GALNT9: variants seen among roughly 807,000 people sequenced by gnomAD.
GALNT9 encodes polypeptide N-acetylgalactosaminyltransferase 9, also known as GalNAc transferase 9.
In GALNT9, 47 loss-of-function variants were observed where a neutral mutation model predicts 63.1. That is an observed-to-expected ratio of 0.75 (90% CI 0.59 to 0.95). The LOEUF is 0.95. Ranked by LOEUF, GALNT9 falls within the 40% of genes least tolerant of loss-of-function variation. The probability of loss-of-function intolerance (pLI) is 0.00; values close to 1 mark genes in which losing one functional copy is unlikely to be tolerated. For synonymous variants in GALNT9, 396 were observed against 365.7 expected, an observed-to-expected ratio of 1.08 and a Z score of -0.94; for missense variants, 829 against 874.8, an observed-to-expected ratio of 0.95 and a Z score of 0.66.
At position 132,238,540 on chromosome 12, in the gene GALNT9, G is replaced by A. The variant is rs2136896112; in HGVS notation, c.1077+9370C>T. ...AGATGCCCAGGACAGGCCAGAGGGC[G>A]GGGCCGTGGCATGGGGAGGGGCTGC... On this transcript the variant is annotated intron_variant, in intron 6 of 10. Transcript: ENST00000328957. This position sits in a 1 kb window ranked among gnomAD's most constrained non-coding sequence, Gnocchi z 6.5. Among the ~76,000 whole-genome samples, 1 of 152,148 alleles carries A rather than the reference G, an allele frequency of 6.6e-6. No individual in the cohort carries two copies. The highest frequency in any genetic ancestry group is 6.5e-5 in the Admixed American group (1 of 15,282).
rs989387746 is a variant in GALNT9, at chr12:132,196,999, C to T, written c.*108G>A. On this transcript the variant is annotated 3_prime_UTR_variant, in exon 11 of 11. Coordinates refer to ENST00000328957, the MANE Select transcript of GALNT9 (RefSeq NM_001122636.2). Reference sequence around the variant, plus strand: ...CTCAGCCTCTGCTGTCCTGGCCGCACATAGAGCCCTGTCCTGCTGTGTCTG... The same window carrying T: ...CTCAGCCTCTGCTGTCCTGGCCGCATATAGAGCCCTGTCCTGCTGTGTCTG... The T allele has an allele frequency of 1.3e-6, 2 of 1,540,896 alleles. No individual in the cohort carries two copies. Among genetic ancestry groups the T allele is most frequent in the East Asian group, 2.3e-5 (1 of 44,076 alleles).
chr12:132,250,939 G>A (rs1209173650), intron 5 of GALNT9, among the ~76,000 whole-genome samples: 3 of 152,212 alleles, frequency 2.0e-5, no homozygotes, highest in African/African-American at 4.8e-5. Context: ...GAGGCCTAGT[G>A]AGCCCGGTGC....
intron 1 of GALNT9, among the ~76,000 whole-genome samples, chr12:132,303,067 C>T (rs1210075823): frequency 7.6e-6 from 1 of 132,156 alleles, no homozygotes; most frequent in East Asian, 1.9e-4. Flanking sequence ...CGGTTTCCCA[C>T]CCTCTGTCTG....
At chr12:132,249,420 C>T (rs1878827411) in intron 5 of GALNT9, among the ~76,000 whole-genome samples, 1 of 152,216 alleles carries the variant, frequency 6.6e-6, no homozygotes, top group Non-Finnish European at 1.5e-5. Flanking sequence ...AAATGCCCAT[C>T]GATTGTCCAA....
chr12:132,298,342 C>T (rs550743395), intron 1 of GALNT9, among the ~76,000 whole-genome samples: 318 of 152,056 alleles, frequency 2.1e-3, no homozygotes, highest in Non-Finnish European at 3.1e-3. Flanking sequence ...AAACAAGCCA[C>T]GGCTGAGATA....
At chr12:132,237,644 T>A (rs1878054023) in intron 6 of GALNT9, among the ~76,000 whole-genome samples, 1 of 152,206 alleles carries the variant, frequency 6.6e-6, no homozygotes, top group Admixed American at 6.5e-5. Flanking sequence ...CACAGCTGCC[T>A]CTGCAGGAGA....
In GALNT9 at chr12:132,329,328, C is replaced by G. The variant is rs1593129663; in HGVS notation, c.-125G>C. On this transcript the variant is annotated 5_prime_UTR_variant, in exon 1 of 11. Coordinates refer to ENST00000328957, the MANE Select transcript of GALNT9 (RefSeq NM_001122636.2). ...GGCTGCGGGGGCTGCGGGGCTCGGC[C>G]GGAGCTGTCCCTTCAGCACCAGCTC... 1 of 1,372,680 alleles carries G rather than the reference C, an allele frequency of 7.3e-7. No homozygotes were observed. The highest frequency in any genetic ancestry group is 1.5e-5 in the South Asian group (1 of 64,978). 85.0% of individuals were successfully genotyped at this position (1,372,680 alleles called of 1,614,324 possible). A position where few individuals can be genotyped will look rare whatever the true frequency, so the allele number is the denominator to read the frequency against.
rs1233429719 is a variant in GALNT9 at position 132,316,520 on chromosome 12, A to G, written c.238+12446T>C. Among the ~76,000 whole-genome samples, 2 of 152,054 alleles carry G rather than the reference A, an allele frequency of 1.3e-5. No homozygotes were observed. Among genetic ancestry groups the G allele is most frequent in the Non-Finnish European group, 1.5e-5 (1 of 67,980 alleles). ...GGAAACGGAGAATCAGGAGCACCCG[A>G]GCTTCCCACCCTAACCACCTGTGCT... On this transcript the variant is annotated intron_variant, in intron 1 of 10. Coordinates refer to ENST00000328957, the MANE Select transcript of GALNT9 (RefSeq NM_001122636.2). The surrounding 1 kb of genome is among the most constrained non-coding windows in gnomAD (Gnocchi z 4.3).
intron 7 of GALNT9, 143 bp from the exon 8 acceptor site, chr12:132,201,404 C>CCGGCCCCATG: frequency 1.8e-6 from 1 of 557,204 alleles, no homozygotes; most frequent in South Asian, 2.0e-5. Flanking sequence ...GAGGCCCCAT[C>CCGGCCCCATG]CAGTTGGGAC....
intron 6 of GALNT9, among the ~76,000 whole-genome samples, chr12:132,213,138 C>T (rs112436635): frequency 2.6e-5 from 1 of 38,006 alleles, no homozygotes; most frequent in Non-Finnish European, 5.3e-5. Context: ...AAACCCCACC[C>T]GGGTCTGCAG....
chr12:132,226,597 A>C (rs1194370862), intron 6 of GALNT9, among the ~76,000 whole-genome samples: 7 of 142,900 alleles, frequency 4.9e-5, no homozygotes, highest in Middle Eastern at 3.9e-3. Flanking sequence ...CATACACACC[A>C]CACACCCCAC....
chr12:132,202,002 G>T (rs559311459), intron 7 of GALNT9, among the ~76,000 whole-genome samples: 16 of 152,236 alleles, frequency 1.1e-4, no homozygotes, highest in African/African-American at 3.1e-4. Context: ...CTTGTGGGGA[G>T]GGCAGACGAC....
rs1555241798 is a variant in GALNT9 at position 132,282,660 on chromosome 12, T to A, written c.419+3590A>T. On this transcript the variant is annotated intron_variant, in intron 2 of 10. Transcript: ENST00000328957. The surrounding 1 kb of genome is among the most constrained non-coding windows in gnomAD (Gnocchi z 4.5). ...TTTCATCTTGTGGGAAAAGGCTGCC[T>A]GTTTTTTTCTCGATGGCCCGCTGGT... Among the ~76,000 whole-genome samples the A allele has an allele frequency of 4.6e-5, 7 of 152,022 alleles. No homozygotes were observed. Among genetic ancestry groups the A allele is most frequent in the Non-Finnish European group, 1.0e-4 (7 of 67,988 alleles).
At position 132,329,229 on chromosome 12, in the gene GALNT9, C is replaced by A. The variant is rs1555246781; in HGVS notation, c.-26G>T. On this transcript the variant is annotated 5_prime_UTR_variant, in exon 1 of 11. Coordinates refer to ENST00000328957, the MANE Select transcript of GALNT9 (RefSeq NM_001122636.2). ...GAACACGGCTGCAGCGGGGGCCTCA[C>A]CCGCGGGGCATCCCCAGCATCCCCG... is the stretch of plus-strand genomic sequence containing the variant. 2 of 1,530,318 alleles carry A rather than the reference C, an allele frequency of 1.3e-6. No individual in the cohort carries two copies. Among genetic ancestry groups the A allele is most frequent in the African/African-American group, 2.8e-5 (2 of 72,412 alleles). The allele number at this position is 1,530,318 out of a possible 1,614,324, so 94.8% of individuals were successfully genotyped here. A position where few individuals can be genotyped will look rare whatever the true frequency, so the allele number is the denominator to read the frequency against.
At chr12:132,291,719 C>T (rs1314251852) in intron 1 of GALNT9, among the ~76,000 whole-genome samples, 2 of 147,604 alleles carry the variant, frequency 1.4e-5, no homozygotes, top group Non-Finnish European at 3.1e-5. Flanking sequence ...CACACATCCA[C>T]AGCACCCACG....
intron 6 of GALNT9, among the ~76,000 whole-genome samples, chr12:132,204,327 C>T (rs141204621): frequency 9.8e-5 from 15 of 152,322 alleles, no homozygotes; most frequent in Admixed American, 3.3e-4. Flanking sequence ...TTTGTCCCCC[C>T]GCGCTGTCCT....
In GALNT9 at chr12:132,197,585, G is replaced by T. The variant is rs190326666; in HGVS notation, c.1665+207C>A. ...AGACTGTCCAGCCCGACCCCTCTCT[G>T]GCTGTGTGACCCTGACCAGTCACCT... On this transcript the variant is annotated intron_variant, in intron 10 of 10. Transcript: ENST00000328957. Among the ~76,000 whole-genome samples, 764 of 148,946 alleles carry T rather than the reference G, an allele frequency of 5.1e-3. 8 individuals are homozygous for T. The highest frequency in any genetic ancestry group is 0.019 in the African/African-American group (725 of 38,424).
At chr12:132,201,474 C>T (rs1876108215) in intron 7 of GALNT9, among the ~76,000 whole-genome samples, 2 of 152,278 alleles carry the variant, frequency 1.3e-5, no homozygotes, top group Non-Finnish European at 2.9e-5. Context: ...GGGAAGGACC[C>T]TGCCAGAGGC....
At position 132,201,049 on chromosome 12, in the gene GALNT9, C is replaced by G. The variant is rs150967718; in HGVS notation, c.1401+75G>C. 3,762 of 1,391,894 alleles carry G rather than the reference C, an allele frequency of 2.7e-3. 99 individuals carry two copies. The Admixed American group carries it at 0.048, about 18-fold the overall frequency. 86.2% of individuals were successfully genotyped at this position (1,391,894 alleles called of 1,614,324 possible). A position where few individuals can be genotyped will look rare whatever the true frequency, so the allele number is the denominator to read the frequency against. On this transcript the variant is annotated intron_variant, in intron 8 of 10. Transcript: ENST00000328957. ...GTGCATGTGGATGTGCCTGCATCAC[C>G]CTGAATGCATACGTGTGCAGGAGTC...
Sources: allele counts gnomAD v4.1 joint callset (sites outside exome capture counted in the v4.1 genomes callset), GRCh38; gene constraint gnomAD v4.1.1; non-coding constraint Gnocchi (gnomAD v3.1); transcripts MANE v1.5; gene names NCBI Gene and HGNC (gene_info 2026-07-23, HGNC 2026-07-21).